The following LUC7L variants were observed in gnomAD, a reference collection of about 807,000 sequenced individuals.
The protein encoded by LUC7L is LUC7 like, also known as putative RNA-binding protein Luc7-like 1.
Under a neutral mutation model 51.1 loss-of-function variants are expected in LUC7L, and 29 were observed. The observed-to-expected ratio is 0.57, with a 90% CI of 0.42 to 0.77. The LOEUF (loss-of-function observed/expected upper bound fraction) is 0.77. Ranked by LOEUF, LUC7L falls within the 30% of genes least tolerant of loss-of-function variation. LUC7L has a pLI of 0.00. For missense variants in LUC7L, 403 were observed against 511.9 expected, an observed-to-expected ratio of 0.79 and a Z score of 2.05; for synonymous variants, 181 against 180.7, an observed-to-expected ratio of 1.00 and a Z score of -0.01.
rs116319076 is a variant in LUC7L, at chr16:190,529, C to A, written c.806+12G>T. On this transcript the variant is annotated intron_variant, in intron 8 of 9. Coordinates refer to ENST00000293872, the MANE Select transcript of LUC7L (RefSeq NM_201412.3). ...AAAATTTGAGAACATTTTAATGGAC[C>A]TGGAAACCTACCTCCTGCGATCTCT... 1.2e-6 allele frequency: 2 copies of A among 1,613,600 alleles called. No individual in the cohort carries two copies. Among genetic ancestry groups the A allele is most frequent in the South Asian group, 1.1e-5 (1 of 91,064 alleles).
Position 189,382 on chromosome 16 carries a change from C to T in LUC7L, c.975-43G>A, listed in dbSNP as rs138969437. ...GAGGCTCAGTGGAGGCTGCTGCCCC[C>T]CTTCTGCTGGCCGCTCAGGCACTGA... On this transcript the variant is annotated intron_variant, in intron 9 of 9. Coordinates refer to ENST00000293872, the MANE Select transcript of LUC7L (RefSeq NM_201412.3). 27 of 1,574,438 alleles carry T rather than the reference C, an allele frequency of 1.7e-5. No individual in the cohort carries two copies. In the African/African-American group the frequency reaches 1.9e-4, roughly 11 times the overall value.
intron 3 of LUC7L, among the ~76,000 whole-genome samples, chr16:213,288 C>T (rs964249940): frequency 2.1e-4 from 32 of 152,178 alleles, no homozygotes; most frequent in African/African-American, 6.5e-4. Context: ...GGTATCTTCT[C>T]CCAGGTAAAA....
chr16:208,042 A>G (rs2049533175), intron 4 of LUC7L, 36 bp downstream of exon 4: 3 of 1,447,502 alleles, frequency 2.1e-6, no homozygotes, highest in Non-Finnish European at 2.9e-6. Flanking sequence ...CAGTATTTTT[A>G]AGAACACACC....
At chr16:228,946 G>C (rs1186870951) in intron 1 of LUC7L, 2 of 1,402,482 alleles carry the variant, frequency 1.4e-6, no homozygotes, top group Admixed American at 4.3e-5. Context: ...AGCCCACGCT[G>C]ATTCCAGCCC....
intron 7 of LUC7L, 173 bp from the exon 8 acceptor site, chr16:190,743 G>A (rs2048990193): frequency 1.6e-6 from 1 of 611,108 alleles, no homozygotes; most frequent in Admixed American, 2.9e-5. Context: ...GGCCAGGCGT[G>A]GTGGCGGGTG....
At chr16:212,782 CTTT>C (rs767314266) in intron 3 of LUC7L, among the ~76,000 whole-genome samples, 3 of 146,984 alleles carry the variant, frequency 2.0e-5, no homozygotes, top group Non-Finnish European at 4.5e-5. Context: ...AGAAATATAC[CTTT>C]TTTTTTTTTC....
In LUC7L at chr16:204,552, C is replaced by T. The variant is rs560092854; in HGVS notation, c.510+1452G>A. On this transcript the variant is annotated intron_variant, in intron 5 of 9. Coordinates refer to ENST00000293872, the MANE Select transcript of LUC7L (RefSeq NM_201412.3). Reference sequence around the variant, plus strand: ...GAGCTTGCAGTGAACTGAGATCGCACCACTGCACTCCAGCCTGGGGGACAG... The same window carrying T: ...GAGCTTGCAGTGAACTGAGATCGCATCACTGCACTCCAGCCTGGGGGACAG... Among the ~76,000 whole-genome samples the T allele has an allele frequency of 6.0e-5, 9 of 151,260 alleles. No homozygotes were observed. In the South Asian group the frequency reaches 1.9e-3, roughly 32 times the overall value.
At chr16:229,174 C>CGCGCAG (rs762568560) in intron 1 of LUC7L, 105 bp downstream of exon 1, 86 of 1,465,200 alleles carry the variant, frequency 5.9e-5, no homozygotes, top group Middle Eastern at 4.9e-4. Flanking sequence ...AGCGATGCCC[C>CGCGCAG]GCGCAGGCGC....
chr16:199,689 T>C (rs1044750864), intron 5 of LUC7L, among the ~76,000 whole-genome samples: 10 of 146,712 alleles, frequency 6.8e-5, no homozygotes, highest in Non-Finnish European at 1.3e-4. Flanking sequence ...GAGAATGGCT[T>C]GAACTCGGGA....
chr16:225,427 G>A (rs1270635067), intron 2 of LUC7L, among the ~76,000 whole-genome samples: 5 of 150,946 alleles, frequency 3.3e-5, no homozygotes, highest in African/African-American at 1.2e-4. Context: ...CAGAGGTTGC[G>A]GTGAGCCACG....
chr16:196,271 G>T (rs1269061084), intron 6 of LUC7L, among the ~76,000 whole-genome samples: 2 of 152,038 alleles, frequency 1.3e-5, no homozygotes, highest in African/African-American at 4.8e-5. Flanking sequence ...AGCCAGGCAT[G>T]GTGGTGCACG....
chr16:217,531 AC>A (rs2049838522), intron 3 of LUC7L, among the ~76,000 whole-genome samples: 1 of 150,424 alleles, frequency 6.6e-6, no homozygotes, highest in African/African-American at 2.5e-5. Context: ...ACATGACAAA[AC>A]CCCGTCTCTA....
chr16:208,756 G>A (rs2049555068), intron 3 of LUC7L: 1 of 367,130 alleles, frequency 2.7e-6, no homozygotes. Context: ...AAAATTGGTT[G>A]CTATTTACCC....
intron 5 of LUC7L, among the ~76,000 whole-genome samples, chr16:199,672 G>A (rs1281747403): frequency 6.6e-6 from 1 of 150,994 alleles, no homozygotes; most frequent in Admixed American, 6.6e-5. Flanking sequence ...TCTGGAGGCT[G>A]AGGCAGGAGA....
intron 2 of LUC7L, among the ~76,000 whole-genome samples, chr16:225,764 CGTGA>C (rs1295280525): frequency 6.6e-6 from 1 of 150,658 alleles, no homozygotes; most frequent in Non-Finnish European, 1.5e-5. Flanking sequence ...GGATTACAGG[CGTGA>C]GCCACCGCAC....
chr16:212,108 A>G (rs1208245188), intron 3 of LUC7L, among the ~76,000 whole-genome samples: 1 of 152,222 alleles, frequency 6.6e-6, no homozygotes, highest in East Asian at 1.9e-4. Context: ...AGCCTGACCA[A>G]CAAGGAGAAA....
rs144575051 is a variant in LUC7L at position 228,051 on chromosome 16, A to G, written c.62-715T>C. 2.8e-3 allele frequency: 3,164 copies of G among 1,137,346 alleles called. 26 individuals are homozygous for G. The highest frequency in any genetic ancestry group is 0.026 in the African/African-American group (1,576 of 61,530). The allele number at this position is 1,137,346 out of a possible 1,614,324, so 70.5% of individuals were successfully genotyped here. A position where few individuals can be genotyped will look rare whatever the true frequency, so the allele number is the denominator to read the frequency against. On this transcript the variant is annotated intron_variant, in intron 1 of 9. Transcript: ENST00000293872. ...GCCCGCTGTTGAAAAGTGTTAAAGG[A>G]AAAGTTTTCTTGCCCACACCTGCAG...
At chr16:194,502 G>A (rs2049099601) in intron 6 of LUC7L, among the ~76,000 whole-genome samples, 1 of 152,202 alleles carries the variant, frequency 6.6e-6, no homozygotes, top group African/African-American at 2.4e-5. Flanking sequence ...AACCAACCCA[G>A]ATAGGTAGGA....
chr16:229,019 C>G (rs1036558459), intron 1 of LUC7L: 5 of 1,448,098 alleles, frequency 3.5e-6, no homozygotes, highest in Non-Finnish European at 3.6e-6. Flanking sequence ...GAGGAAGTAG[C>G]AGGACGGTAC....
Sources: gnomAD v4.1 joint callset for allele counts (sites outside exome capture counted in the v4.1 genomes callset) on GRCh38, gnomAD v4.1.1 for gene constraint, MANE v1.5 for transcripts, NCBI Gene and HGNC (gene_info 2026-07-23, HGNC 2026-07-21) for gene names.